Variants in OPHN1 observed in about 807,000 individuals in gnomAD.
The protein encoded by OPHN1 is oligophrenin-1.
A neutral mutation model predicts 60.7 loss-of-function variants in OPHN1; 11 were observed. That is an observed-to-expected ratio of 0.18 (90% CI 0.11 to 0.30). OPHN1 has a LOEUF of 0.30. Ranked by LOEUF, OPHN1 falls within the 10% of genes least tolerant of loss-of-function variation. The pLI is 1.00. For synonymous variants in OPHN1, 226 were observed against 222.6 expected, an observed-to-expected ratio of 1.02 and a Z score of -0.14; for missense variants, 449 against 611.0, an observed-to-expected ratio of 0.73 and a Z score of 2.80.
chrX:68,171,853 C>T (rs761876067), intron 15 of OPHN1, among the ~76,000 whole-genome samples: 1 of 111,901 alleles, frequency 8.9e-6, no homozygotes, highest in African/African-American at 3.2e-5. Context: ...CTAATGAGTA[C>T]ATTAAAAATG....
At chrX:68,169,405 T>C (rs1355287368) in intron 15 of OPHN1, among the ~76,000 whole-genome samples, 1 of 110,796 alleles carries the variant, frequency 9.0e-6, no homozygotes, top group Non-Finnish European at 1.9e-5. Flanking sequence ...ACCAATGACT[T>C]TCTTCACAGA....
intron 23 of OPHN1, 146 bp from the exon 24 acceptor site, chrX:68,048,603 T>C: frequency 5.9e-6 from 3 of 511,891 alleles, no homozygotes; most frequent in Non-Finnish European, 1.0e-5. Flanking sequence ...TTTCAAAACA[T>C]TTAGCTCCAT....
At chrX:68,208,456 C>A (rs1406876368) in intron 9 of OPHN1, among the ~76,000 whole-genome samples, 1 of 111,840 alleles carries the variant, frequency 8.9e-6, no homozygotes, top group African/African-American at 3.2e-5. Flanking sequence ...ATATCACTTT[C>A]TTTGTGAAGC....
chrX:68,237,324 T>G (rs188525003), intron 5 of OPHN1, among the ~76,000 whole-genome samples: 93 of 112,277 alleles, frequency 8.3e-4, no homozygotes, highest in Admixed American at 2.5e-3. Context: ...CCTTTGACAT[T>G]TTTTTCTATT....
intron 2 of OPHN1, among the ~76,000 whole-genome samples, chrX:68,380,791 G>C (rs1748686421): frequency 9.0e-6 from 1 of 111,650 alleles, no homozygotes; most frequent in African/African-American, 3.3e-5. Flanking sequence ...TGTGGTCTGA[G>C]AGACAGTTTG....
rs1268835438 is a variant in OPHN1 at position 68,053,809 on chromosome X, C to T, written c.2160G>A (p.Gly720=). 2 of 1,208,404 alleles carry T rather than the reference C, an allele frequency of 1.7e-6. No homozygotes were observed. Among genetic ancestry groups the T allele is most frequent in the Admixed American group, 2.2e-5 (1 of 45,675 alleles). Residue 720 remains glycine, a splice_region_variant and synonymous_variant, in exon 22 of 25, where the codon GGG becomes GGA. Transcript: ENST00000355520. ...GCACTTTGCTGAAACTGTCAGCATC[C>T]CCTGGAAGAGAAAATGATACCAGGA... ...APRPLAHHKE[G]DADSFSKVRP...
At chrX:68,096,468 G>T (rs967029021) in intron 19 of OPHN1, among the ~76,000 whole-genome samples, 1 of 111,132 alleles carries the variant, frequency 9.0e-6, no homozygotes, top group African/African-American at 3.3e-5. Flanking sequence ...TTTGTTATAG[G>T]GATCTCAGCC....
chrX:68,168,512 A>C (rs2147415146), intron 15 of OPHN1, among the ~76,000 whole-genome samples: 1 of 110,893 alleles, frequency 9.0e-6, no homozygotes, highest in East Asian at 2.8e-4. Context: ...CACTGTGTAG[A>C]GGTAAATTTA....
At chrX:68,410,822 C>G (rs1381257670) in intron 2 of OPHN1, among the ~76,000 whole-genome samples, 6 of 111,724 alleles carry the variant, frequency 5.4e-5, no homozygotes, top group Non-Finnish European at 1.1e-4. Flanking sequence ...TATTTGTACA[C>G]TCATATTCAC....
intron 5 of OPHN1, among the ~76,000 whole-genome samples, chrX:68,239,691 C>G (rs190931786): frequency 8.9e-6 from 1 of 111,953 alleles, no homozygotes; most frequent in East Asian, 2.8e-4. Flanking sequence ...GCTGATTTTC[C>G]CAGTTATATA....
intron 21 of OPHN1, among the ~76,000 whole-genome samples, chrX:68,062,210 G>A: frequency 9.0e-6 from 1 of 111,459 alleles, no homozygotes; most frequent in Non-Finnish European, 1.9e-5. Context: ...TGGGCCTCAT[G>A]TTTTCTTATC....
intron 2 of OPHN1, among the ~76,000 whole-genome samples, chrX:68,385,438 G>A (rs967256908): frequency 1.8e-5 from 2 of 111,997 alleles, no homozygotes; most frequent in African/African-American, 3.2e-5. Context: ...AAATAATTAA[G>A]ATCTCAGCAA....
chrX:68,202,775 G>C (rs886787991), intron 10 of OPHN1, among the ~76,000 whole-genome samples: 1 of 110,509 alleles, frequency 9.0e-6, no homozygotes, highest in Admixed American at 9.6e-5. Flanking sequence ...GATTACAGGC[G>C]TGAGCCACTG....
chrX:68,361,850 A>G (rs1263100195), intron 2 of OPHN1, among the ~76,000 whole-genome samples: 2 of 112,042 alleles, frequency 1.8e-5, no homozygotes, highest in Non-Finnish European at 3.8e-5. Flanking sequence ...CACAAAGTGT[A>G]CACACTTATC....
intron 2 of OPHN1, among the ~76,000 whole-genome samples, chrX:68,342,237 C>T (rs777246172): frequency 1.8e-5 from 2 of 111,255 alleles, no homozygotes; most frequent in Non-Finnish European, 3.8e-5. Flanking sequence ...TCCCAAAGTG[C>T]TTGGATTACA....
At chrX:68,364,962 T>C (rs2078490747) in intron 2 of OPHN1, among the ~76,000 whole-genome samples, 1 of 111,625 alleles carries the variant, frequency 9.0e-6, no homozygotes, top group Non-Finnish European at 1.9e-5. Flanking sequence ...TCCTCATCTG[T>C]GCAATGGGAA....
intron 9 of OPHN1, among the ~76,000 whole-genome samples, chrX:68,208,757 C>G (rs1000293867): frequency 8.9e-6 from 1 of 111,871 alleles, no homozygotes; most frequent in Admixed American, 9.5e-5. Flanking sequence ...TTTGGCCTCC[C>G]AGGGGACATG....
chrX:68,148,284 T>A (rs1432893447), intron 15 of OPHN1, among the ~76,000 whole-genome samples: 1 of 111,477 alleles, frequency 9.0e-6, no homozygotes, highest in African/African-American at 3.3e-5. Context: ...TTGTATACTA[T>A]CCCAAAGCTA....
intron 2 of OPHN1, among the ~76,000 whole-genome samples, chrX:68,370,436 G>A (rs1284084556): frequency 3.7e-5 from 4 of 109,054 alleles, no homozygotes; most frequent in African/African-American, 1.3e-4. Context: ...GAACCGGGGA[G>A]GTGGAGGTTT....
Sources: gnomAD v4.1 joint callset for allele counts (sites outside exome capture counted in the v4.1 genomes callset) on GRCh38, gnomAD v4.1.1 for gene constraint, MANE v1.5 for transcripts, NCBI Gene and HGNC (gene_info 2026-07-23, HGNC 2026-07-21) for gene names.